The following CCR3 variants were observed in gnomAD, a reference collection of about 807,000 sequenced individuals.
The protein encoded by CCR3 is C-C motif chemokine receptor 3.
For missense variants in CCR3, 419 were observed against 437.5 expected, an observed-to-expected ratio of 0.96 and a Z score of 0.38; for synonymous variants, 203 against 179.2, an observed-to-expected ratio of 1.13 and a Z score of -1.06.
chr3:46,232,758 C>G (rs909329466), intron 2 of CCR3, among the ~76,000 whole-genome samples: 15 of 152,190 alleles, frequency 9.9e-5, no homozygotes, highest in African/African-American at 3.6e-4. Context: ...TGGCCCACCA[C>G]CTCCCCCAAT....
intron 1 of CCR3, among the ~76,000 whole-genome samples, chr3:46,260,409 C>T (rs868580345): frequency 5.9e-5 from 9 of 152,328 alleles, no homozygotes; most frequent in African/African-American, 1.2e-4. Flanking sequence ...TGCCTATGAA[C>T]TTGTAAAATC....
intron 2 of CCR3, among the ~76,000 whole-genome samples, chr3:46,223,283 T>C (rs1018433674): frequency 6.6e-6 from 1 of 152,212 alleles, no homozygotes; most frequent in African/African-American, 2.4e-5. Context: ...GAGGTTGCAG[T>C]GAGCCGAGAT....
rs1700635855 is a variant in CCR3, at chr3:46,266,409, A to G, written c.*183A>G. 1.8e-6 allele frequency: 1 copy of G among 564,894 alleles called. No individual in the cohort carries two copies. The highest frequency in any genetic ancestry group is 2.9e-5 in the East Asian group (1 of 33,996). The allele number at this position is 564,894 out of a possible 1,614,324, so 35.0% of individuals were successfully genotyped here. A position where few individuals can be genotyped will look rare whatever the true frequency, so the allele number is the denominator to read the frequency against. On this transcript the variant is annotated 3_prime_UTR_variant, in exon 2 of 2. Transcript: ENST00000395940. Reference sequence around the variant, plus strand: ...GCATGTACCCTAAGGTCATTACCACAGGCCAGGGGCTGGGCAGCGTACTCA... The same window carrying G: ...GCATGTACCCTAAGGTCATTACCACGGGCCAGGGGCTGGGCAGCGTACTCA...
intron 2 of CCR3, among the ~76,000 whole-genome samples, chr3:46,230,015 A>G (rs1171318496): frequency 6.6e-6 from 1 of 152,108 alleles, no homozygotes; most frequent in African/African-American, 2.4e-5. Flanking sequence ...GACACAAGAC[A>G]AGGAAGTTGG....
chr3:46,244,384 G>A (rs548375194), intron 1 of CCR3, among the ~76,000 whole-genome samples: 17 of 152,294 alleles, frequency 1.1e-4, no homozygotes, highest in African/African-American at 2.9e-4. Context: ...ATGCGCGTCC[G>A]TGTGAAGAGA....
intron 1 of CCR3, among the ~76,000 whole-genome samples, chr3:46,244,473 C>G (rs574760399): frequency 4.3e-4 from 66 of 152,010 alleles, no homozygotes; most frequent in African/African-American, 1.5e-3. Flanking sequence ...AAAGAGTCAG[C>G]GAAGGGAGAT....
chr3:46,265,065 G>C (rs972634551), intron 1 of CCR3, 83 bp from the exon 2 acceptor site: 1 of 877,486 alleles, frequency 1.1e-6, no homozygotes, highest in Non-Finnish European at 1.8e-6. Context: ...TCTTTGTTGA[G>C]TACATGAATA....
At chr3:46,233,314 T>C (rs746999205) in intron 2 of CCR3, among the ~76,000 whole-genome samples, 5 of 152,224 alleles carry the variant, frequency 3.3e-5, no homozygotes, top group Non-Finnish European at 7.3e-5. Flanking sequence ...TTTCTGGCCC[T>C]GGTGCCCGGG....
At chr3:46,214,143 C>A (rs554199645) in intron 2 of CCR3, among the ~76,000 whole-genome samples, 2 of 152,300 alleles carry the variant, frequency 1.3e-5, no homozygotes, top group East Asian at 1.9e-4. Context: ...TTATTTCACA[C>A]CTTTTGCCTT....
intron 1 of CCR3, among the ~76,000 whole-genome samples, chr3:46,250,097 A>G (rs2125930363): frequency 1.3e-5 from 2 of 152,180 alleles, no homozygotes; most frequent in East Asian, 1.9e-4. Context: ...CTGGGTTTTT[A>G]TATTTGATGA....
chr3:46,252,443 T>C (rs934931666), intron 1 of CCR3, among the ~76,000 whole-genome samples: 2 of 152,100 alleles, frequency 1.3e-5, no homozygotes, highest in African/African-American at 2.4e-5. Flanking sequence ...CCTCTCAAGA[T>C]GCTGGGATTG....
chr3:46,214,573 G>T (rs1008538647), intron 2 of CCR3, among the ~76,000 whole-genome samples: 1 of 152,144 alleles, frequency 6.6e-6, no homozygotes, highest in Non-Finnish European at 1.5e-5. Flanking sequence ...GGCTGCTGGG[G>T]TCACACTGAG....
intron 2 of CCR3, among the ~76,000 whole-genome samples, chr3:46,230,534 C>G (rs1699950401): frequency 6.6e-6 from 1 of 152,034 alleles, no homozygotes; most frequent in Admixed American, 6.6e-5. Context: ...CCATTTTTTG[C>G]TTGTGTGATC....
chr3:46,266,701 G>A lies in CCR3; in HGVS notation c.*475G>A, dbSNP rs1025922605. 2 of 168,842 alleles carry A rather than the reference G, an allele frequency of 1.2e-5. No homozygotes were observed. Among genetic ancestry groups the A allele is most frequent in the African/African-American group, 4.8e-5 (2 of 41,456 alleles). The allele number at this position is 168,842 out of a possible 1,614,324, so 10.5% of individuals were successfully genotyped here. On this transcript the variant is annotated 3_prime_UTR_variant, in exon 2 of 2. Coordinates refer to ENST00000395940, the MANE Select transcript of CCR3 (RefSeq NM_178329.3). ...TTTCAGTGTGAATAAATAATCGTAA[G>A]CAACATAATGGCATGCCATTCCTGT...
At chr3:46,241,342 A>G (rs1700082278), upstream of CCR3, among the ~76,000 whole-genome samples, 1 of 152,200 alleles carries the variant, frequency 6.6e-6, no homozygotes, top group South Asian at 2.1e-4. Flanking sequence ...AGATCACTTC[A>G]TGCTTAGTCA....
At chr3:46,231,198 C>G (rs1412360844) in intron 2 of CCR3, among the ~76,000 whole-genome samples, 1 of 152,196 alleles carries the variant, frequency 6.6e-6, no homozygotes, top group Non-Finnish European at 1.5e-5. Context: ...GCTGGGATTA[C>G]AGGCATAAGC....
At chr3:46,243,718 C>G (rs145986478) in intron 1 of CCR3, among the ~76,000 whole-genome samples, 1 of 152,088 alleles carries the variant, frequency 6.6e-6, no homozygotes, top group South Asian at 2.1e-4. Context: ...CACTGAACCA[C>G]GCAGGATGAG....
Position 46,265,149 on chromosome 3 carries a change from G to A in CCR3, c.-10G>A. 6.3e-7 allele frequency: 1 copy of A among 1,575,938 alleles called. No individual in the cohort carries two copies. The highest frequency in any genetic ancestry group is 2.2e-5 in the East Asian group (1 of 44,500). The stretch of plus-strand genomic sequence containing the variant: ...TGTATTTTTCTTCTTCTATCACAGG[G>A]AGAAGTGAAATGACAACCTCACTAG... On this transcript the variant is annotated splice_region_variant and 5_prime_UTR_variant, in exon 2 of 2. Transcript: ENST00000395940.
At chr3:46,259,721 A>G (rs904292186) in intron 1 of CCR3, among the ~76,000 whole-genome samples, 2 of 152,122 alleles carry the variant, frequency 1.3e-5, no homozygotes, top group African/African-American at 2.4e-5. Context: ...AGCTTAAGGT[A>G]AAAAAAGACT....
Sources: gnomAD v4.1 joint callset for allele counts (sites outside exome capture counted in the v4.1 genomes callset) on GRCh38, gnomAD v4.1.1 for gene constraint, MANE v1.5 for transcripts, NCBI Gene and HGNC (gene_info 2026-07-23, HGNC 2026-07-21) for gene names.